Variants in ZFAND6 observed in about 807,000 individuals in gnomAD.
The protein encoded by ZFAND6 is zinc finger AN1-type containing 6.
Under a neutral mutation model 24.5 loss-of-function variants are expected in ZFAND6, and 12 were observed. The observed-to-expected ratio is 0.49, with a 90% CI of 0.31 to 0.79. The LOEUF is 0.79. Ranked by LOEUF, ZFAND6 falls within the 30% of genes least tolerant of loss-of-function variation. The pLI, the probability that ZFAND6 is intolerant of heterozygous loss-of-function variation, is 0.04. For missense variants in ZFAND6, 207 were observed against 245.9 expected, an observed-to-expected ratio of 0.84 and a Z score of 1.06; for synonymous variants, 92 against 81.5, an observed-to-expected ratio of 1.13 and a Z score of -0.69.
At chr15:80,111,479 CG>C (rs1381868250) in intron 2 of ZFAND6, 1 of 455,224 alleles carries the variant, frequency 2.2e-6, no homozygotes, top group African/African-American at 2.0e-5. Flanking sequence ...GTGGAGTCGC[CG>C]GTAGCCACCT....
At chr15:80,128,865 A>T (rs2040478272) in intron 5 of ZFAND6, among the ~76,000 whole-genome samples, 1 of 152,200 alleles carries the variant, frequency 6.6e-6, no homozygotes, top group Admixed American at 6.5e-5. Flanking sequence ...TAGTATTTGT[A>T]TGCATAGAAG....
intron 1 of ZFAND6, among the ~76,000 whole-genome samples, chr15:80,095,074 T>C (rs1195584232): frequency 2.0e-5 from 3 of 151,758 alleles, no homozygotes; most frequent in Admixed American, 6.5e-5. Flanking sequence ...AATCATTCTT[T>C]AGGGATTTTT....
At chr15:80,118,564 A>G (rs750908573) in intron 2 of ZFAND6, among the ~76,000 whole-genome samples, 9 of 152,258 alleles carry the variant, frequency 5.9e-5, no homozygotes, top group Middle Eastern at 3.4e-3. Context: ...ATGTGTGTGT[A>G]TGTATGTATA....
At chr15:80,133,747 C>T (rs1035554495) in intron 6 of ZFAND6, among the ~76,000 whole-genome samples, 1 of 152,114 alleles carries the variant, frequency 6.6e-6, no homozygotes, top group African/African-American at 2.4e-5. Context: ...AGGAGGAGAT[C>T]GTCTAACTTT....
intron 2 of ZFAND6, chr15:80,112,715 T>G (rs910652771): frequency 4.4e-6 from 2 of 451,814 alleles, no homozygotes; most frequent in African/African-American, 2.0e-5. Context: ...TTATCATCTC[T>G]GCAAAAAGGT....
At chr15:80,113,041 T>C (rs189921357) in intron 2 of ZFAND6, among the ~76,000 whole-genome samples, 3 of 152,368 alleles carry the variant, frequency 2.0e-5, no homozygotes, top group Admixed American at 2.0e-4. Context: ...TGTAACACTT[T>C]GTGTTGCGGT....
intron 1 of ZFAND6, among the ~76,000 whole-genome samples, chr15:80,064,985 G>GCT (rs1189305676): frequency 2.4e-5 from 3 of 126,940 alleles, no homozygotes; most frequent in Non-Finnish European, 4.9e-5. Flanking sequence ...CTTTTCTCTT[G>GCT]CTCTCTCTCT....
At chr15:80,126,793 A>T (rs190797855) in intron 5 of ZFAND6, among the ~76,000 whole-genome samples, 1 of 152,236 alleles carries the variant, frequency 6.6e-6, no homozygotes, top group Non-Finnish European at 1.5e-5. Context: ...ATTGAGCTAC[A>T]TCAAAATAAA....
At chr15:80,073,345 CT>C (rs1410952566) in intron 1 of ZFAND6, 40 of 326,594 alleles carry the variant, frequency 1.2e-4, no homozygotes, top group Middle Eastern at 3.9e-4. Context: ...GCTACTACAA[CT>C]TTTTTTTAAA....
chr15:80,082,948 T>C (rs148405991), intron 1 of ZFAND6, among the ~76,000 whole-genome samples: 136 of 152,330 alleles, frequency 8.9e-4, no homozygotes, highest in African/African-American at 2.4e-3. Flanking sequence ...GATGGTGGAC[T>C]GAGCACCTAC....
intron 5 of ZFAND6, among the ~76,000 whole-genome samples, chr15:80,126,347 A>G (rs999687459): frequency 6.6e-6 from 1 of 152,246 alleles, no homozygotes; most frequent in Non-Finnish European, 1.5e-5. Flanking sequence ...ATCTTGAAAA[A>G]TAACAAAGTT....
intron 2 of ZFAND6, among the ~76,000 whole-genome samples, chr15:80,101,788 A>G (rs1037840089): frequency 2.0e-5 from 3 of 146,952 alleles, no homozygotes; most frequent in African/African-American, 7.7e-5. Flanking sequence ...TTTTATGTAA[A>G]GTGTTTTTTT....
At chr15:80,107,495 A>G (rs2039393480) in intron 2 of ZFAND6, among the ~76,000 whole-genome samples, 1 of 152,166 alleles carries the variant, frequency 6.6e-6, no homozygotes, top group African/African-American at 2.4e-5. Flanking sequence ...GCAAATGTCA[A>G]CACAGTGAAT....
At chr15:80,062,262 C>G (rs1300339609) in intron 1 of ZFAND6, among the ~76,000 whole-genome samples, 1 of 152,170 alleles carries the variant, frequency 6.6e-6, no homozygotes, top group Non-Finnish European at 1.5e-5. Context: ...AGGAAAACAC[C>G]TGTCAAATGT....
At chr15:80,128,850 T>C (rs762711948) in intron 5 of ZFAND6, among the ~76,000 whole-genome samples, 2 of 152,236 alleles carry the variant, frequency 1.3e-5, no homozygotes, top group African/African-American at 2.4e-5. Context: ...TTTTGAGATA[T>C]GCAGTAGTAT....
intron 2 of ZFAND6, among the ~76,000 whole-genome samples, chr15:80,114,108 G>A (rs2039747257): frequency 6.6e-6 from 1 of 152,154 alleles, no homozygotes; most frequent in Non-Finnish European, 1.5e-5. Context: ...AAGACCCTCT[G>A]CTTTTAGGAA....
intron 4 of ZFAND6, 83 bp downstream of exon 4, chr15:80,121,903 A>G (rs1241121587): frequency 5.2e-6 from 6 of 1,145,180 alleles, no homozygotes; most frequent in East Asian, 5.5e-5. Flanking sequence ...AAGGAAAACT[A>G]CGTAAAGCTA....
chr15:80,137,258 G>A (rs868531745), intron 6 of ZFAND6, among the ~76,000 whole-genome samples: 9 of 152,212 alleles, frequency 5.9e-5, no homozygotes, highest in Non-Finnish European at 2.9e-5. Context: ...GAAGAAACAA[G>A]CTCAGAGGAC....
intron 1 of ZFAND6, among the ~76,000 whole-genome samples, chr15:80,095,645 T>C (rs1277867208): frequency 6.6e-6 from 1 of 152,206 alleles, no homozygotes; most frequent in African/African-American, 2.4e-5. Context: ...CTCAGTACCA[T>C]AGTAGGAACC....
Sources: gnomAD v4.1 joint callset for allele counts (sites outside exome capture counted in the v4.1 genomes callset) on GRCh38, gnomAD v4.1.1 for gene constraint, MANE v1.5 for transcripts, NCBI Gene and HGNC (gene_info 2026-07-23, HGNC 2026-07-21) for gene names.